Variants in ITFG2 observed in about 807,000 individuals in gnomAD.
The protein encoded by ITFG2 is integrin alpha FG-GAP repeat containing 2, also known as KICSTOR complex protein ITFG2.
Under a neutral mutation model 54.4 loss-of-function variants are expected in ITFG2, and 36 were observed. The observed-to-expected ratio is 0.66, with a 90% confidence interval of 0.51 to 0.87. ITFG2 has a LOEUF of 0.87. Ranked by LOEUF, ITFG2 falls within the 40% of genes least tolerant of loss-of-function variation. The pLI, the probability that ITFG2 is intolerant of heterozygous loss-of-function variation, is 0.00. For missense variants in ITFG2, 524 were observed against 576.7 expected, an observed-to-expected ratio of 0.91 and a Z score of 0.94; for synonymous variants, 211 against 225.4, an observed-to-expected ratio of 0.94 and a Z score of 0.57.
chr12:2,850,287 G>A (rs1001429816), intron 2 of ITFG2, among the ~76,000 whole-genome samples: 7 of 151,894 alleles, frequency 4.6e-5, no homozygotes, highest in South Asian at 2.1e-4. Context: ...CAGCCTGGCC[G>A]ACATGATGAA....
At chr12:2,833,156 G>A (rs2098011916), upstream of ITFG2, among the ~76,000 whole-genome samples, 1 of 151,994 alleles carries the variant, frequency 6.6e-6, no homozygotes, top group South Asian at 2.1e-4. Flanking sequence ...GAGGGGAGAG[G>A]TGAAAAGCCC....
At position 2,830,640 on chromosome 12, in the gene ITFG2, AAGG is replaced by A. The variant is rs2153926095; in HGVS notation, c.*60-191_*60-189del. Reference sequence around the variant, plus strand: ...CCCTCTCCCATCAGGGCAGAGCAGAAAGGAGAGCAGGTGAAGTGAGTGCAGGCA... The same window carrying A: ...CCCTCTCCCATCAGGGCAGAGCAGAAAGAGCAGGTGAAGTGAGTGCAGGCA... On this transcript the variant is annotated intron_variant and NMD_transcript_variant, in intron 2 of 2. Transcript: ENST00000538822. The A allele has an allele frequency of 3.3e-6, 5 of 1,501,312 alleles. No homozygotes were observed. The South Asian group carries it at 5.2e-5, about 15-fold the overall frequency. The allele number at this position is 1,501,312 out of a possible 1,614,324, so 93.0% of individuals were successfully genotyped here. A position where few individuals can be genotyped will look rare whatever the true frequency, so the allele number is the denominator to read the frequency against.
At chr12:2,857,697 TTTA>T (rs2098092360) in intron 2 of ITFG2, 1 of 152,942 alleles carries the variant, frequency 6.5e-6, no homozygotes, top group African/African-American at 2.4e-5. Flanking sequence ...CACCTTCGCT[TTTA>T]TTGAGTAGTT....
At chr12:2,834,764 G>T, upstream of ITFG2, 1 of 1,613,902 alleles carries the variant, frequency 6.2e-7, no homozygotes, top group Non-Finnish European at 8.5e-7. Context: ...GCTCGGTCTC[G>T]AAGCTGTGCC....
intron 5 of ITFG2, 96 bp from the exon 6 acceptor site, chr12:2,820,628 G>A: frequency 7.9e-6 from 2 of 251,778 alleles, no homozygotes; most frequent in Non-Finnish European, 7.9e-6. Context: ...CCCTGCCCCT[G>A]CCCCCGCCCC....
chr12:2,851,072 C>G (rs2098069341), intron 2 of ITFG2, among the ~76,000 whole-genome samples: 1 of 136,120 alleles, frequency 7.3e-6, no homozygotes. Flanking sequence ...GAGGCTGAGC[C>G]AGGAGAATCG....
intron 1 of ITFG2, among the ~76,000 whole-genome samples, chr12:2,816,311 G>T (rs372079397): frequency 6.7e-6 from 1 of 148,298 alleles, no homozygotes; most frequent in Non-Finnish European, 1.5e-5. Context: ...GATTATCGGC[G>T]TGAGTCACCG....
chr12:2,815,811 C>A (rs2097920020), intron 1 of ITFG2, among the ~76,000 whole-genome samples: 1 of 152,142 alleles, frequency 6.6e-6, no homozygotes, highest in Non-Finnish European at 1.5e-5. Flanking sequence ...ACACACACAC[C>A]CCTAAATGGA....
intron 2 of ITFG2, among the ~76,000 whole-genome samples, chr12:2,850,989 T>C (rs1452986555): frequency 7.1e-6 from 1 of 140,954 alleles, no homozygotes; most frequent in Admixed American, 7.0e-5. Flanking sequence ...TTTTTTTTTT[T>C]TTTTTTTTTT....
At chr12:2,830,599 C>T in intron 2 of ITFG2, 1 of 1,196,768 alleles carries the variant, frequency 8.4e-7, no homozygotes, top group Admixed American at 2.6e-5. Flanking sequence ...GAGAGAGGTG[C>T]CCTTTCTCCC....
intron 9 of ITFG2, among the ~76,000 whole-genome samples, chr12:2,822,527 A>G (rs2097949082): frequency 6.6e-6 from 1 of 152,128 alleles, no homozygotes; most frequent in Admixed American, 6.6e-5. Context: ...GGTTTAGGAG[A>G]AGAGGCAGAC....
Position 2,824,087 on chromosome 12 carries a change from C to T in ITFG2, c.1241-3C>T. ...CTCTTACCCACCCCTTCTTGGCTCTCAGATCCTGACGACCTCCCTGTGACT... is the reference window on the plus strand; with the variant it reads ...CTCTTACCCACCCCTTCTTGGCTCTTAGATCCTGACGACCTCCCTGTGACT... On this transcript the variant is annotated splice_polypyrimidine_tract_variant and splice_region_variant and intron_variant, in intron 11 of 11. Coordinates refer to ENST00000228799, the MANE Select transcript of ITFG2 (RefSeq NM_018463.4). The T allele has an allele frequency of 6.2e-7, 1 of 1,614,102 alleles. No individual in the cohort carries two copies. Among genetic ancestry groups the T allele is most frequent in the Non-Finnish European group, 8.5e-7 (1 of 1,180,018 alleles).
intron 3 of ITFG2, chr12:2,858,509 C>T: frequency 1.3e-6 from 1 of 755,956 alleles, no homozygotes; most frequent in Non-Finnish European, 2.1e-6. Context: ...TTTGCATAAT[C>T]AGGCAGCAGG....
At position 2,839,827 on chromosome 12, in the gene ITFG2, A is replaced by G. The variant is rs549921772; in HGVS notation, n.147-1015A>G. 2.0e-5 allele frequency among the ~76,000 whole-genome samples: 3 copies of G among 152,366 alleles called. No individual in the cohort carries two copies. The East Asian group carries it at 5.8e-4, about 29-fold the overall frequency. On this transcript the variant is annotated intron_variant and non_coding_transcript_variant, in intron 1 of 3. Transcript: ENST00000537710. ...AGCAACATGGATGCAGTTGGAGGAC[A>G]TTATCCTAAGCAAATTAACACAGAA... is the stretch of plus-strand genomic sequence containing the variant.
At chr12:2,853,713 T>TC (rs1247827842) in intron 2 of ITFG2, among the ~76,000 whole-genome samples, 1 of 152,134 alleles carries the variant, frequency 6.6e-6, no homozygotes, top group Admixed American at 6.5e-5. Context: ...TTCATTGCCT[T>TC]CCCCCTTTCT....
downstream of ITFG2, chr12:2,828,319 G>T (rs1226756329): frequency 2.5e-6 from 4 of 1,612,798 alleles, no homozygotes; most frequent in Non-Finnish European, 3.4e-6. Context: ...GCTTGTTTGG[G>T]CCACATTCTT....
downstream of ITFG2, among the ~76,000 whole-genome samples, chr12:2,831,462 T>C (rs993526701): frequency 3.9e-5 from 6 of 152,036 alleles, no homozygotes; most frequent in African/African-American, 1.4e-4. Flanking sequence ...CATGTGCCTG[T>C]AGTCCCAGCT....
chr12:2,858,003 T>C (rs2098094333), intron 2 of ITFG2: 1 of 152,802 alleles, frequency 6.5e-6, no homozygotes, highest in African/African-American at 2.4e-5. Context: ...CCAGGATTTC[T>C]TCTTGCAGGA....
At chr12:2,823,146 A>G (rs1320197929) in intron 10 of ITFG2, among the ~76,000 whole-genome samples, 1 of 152,202 alleles carries the variant, frequency 6.6e-6, no homozygotes, top group Non-Finnish European at 1.5e-5. Context: ...GGTGGTCACT[A>G]CATTGCCATC....
Sources: allele counts gnomAD v4.1 joint callset (sites outside exome capture counted in the v4.1 genomes callset), GRCh38; gene constraint gnomAD v4.1.1; transcripts MANE v1.5; gene names NCBI Gene and HGNC (gene_info 2026-07-23, HGNC 2026-07-21).